TTLL5: variants seen among roughly 807,000 people sequenced by gnomAD.
The protein encoded by TTLL5 is tubulin polyglutamylase TTLL5.
A neutral mutation model predicts 168.4 loss-of-function variants in TTLL5; 132 were observed. The observed-to-expected ratio is 0.78, with a 90% confidence interval of 0.68 to 0.91. The LOEUF (loss-of-function observed/expected upper bound fraction) is 0.91, where lower values mean the gene tolerates loss of function less well. Among genes scored for constraint, TTLL5 ranks in the 40% least tolerant of loss-of-function variants. The pLI is 0.00. For missense variants in TTLL5, 1,545 were observed against 1,581.5 expected (o/e 0.98, Z 0.39); for synonymous variants, 546 against 558.6 (o/e 0.98, Z 0.32).
intron 15 of TTLL5, 56 bp downstream of exon 15, chr14:75,735,345 G>C (rs1179378584): frequency 1.9e-6 from 3 of 1,559,392 alleles, no homozygotes; most frequent in East Asian, 2.2e-5. Context: ...AGTGGCGGCT[G>C]ATGTAACTGT....
chr14:75,925,499 C>T (rs1416471817), intron 31 of TTLL5, among the ~76,000 whole-genome samples: 2 of 149,528 alleles, frequency 1.3e-5, no homozygotes, highest in Admixed American at 6.6e-5. Flanking sequence ...GATGGGCGGC[C>T]GGGCAGAGAC....
At chr14:75,894,503 A>C (rs1481403487) in intron 30 of TTLL5, among the ~76,000 whole-genome samples, 1 of 152,070 alleles carries the variant, frequency 6.6e-6, no homozygotes, top group Non-Finnish European at 1.5e-5. Flanking sequence ...CAGTGAGCCG[A>C]GATCACACGC....
chr14:75,816,984 T>A (rs909139681), intron 27 of TTLL5, among the ~76,000 whole-genome samples: 5 of 143,944 alleles, frequency 3.5e-5, no homozygotes, highest in African/African-American at 5.2e-5. Context: ...ATTTTTTTTT[T>A]TTTTTTTTTT....
At chr14:75,765,033 A>G (rs1280077927) in intron 19 of TTLL5, among the ~76,000 whole-genome samples, 4 of 152,138 alleles carry the variant, frequency 2.6e-5, no homozygotes, top group Non-Finnish European at 5.9e-5. Flanking sequence ...AATACCTGAT[A>G]CTCTAGAAAT....
chr14:75,830,559 TTTTTA>T (rs1259117653), intron 28 of TTLL5, among the ~76,000 whole-genome samples: 1 of 152,204 alleles, frequency 6.6e-6, no homozygotes, highest in Non-Finnish European at 1.5e-5. Flanking sequence ...ATATATACAG[TTTTTA>T]TTTTTTCATT....
rs1890871188 is a variant in TTLL5, at chr14:75,764,923, A to G, written c.1708+151A>G. ...TTTTTCTCTGAAACTTAATTTCAAC[A>G]AAGTCTTAAGTTTTTAAACCTTCCA... On this transcript the variant is annotated intron_variant, in intron 19 of 31. Transcript: ENST00000298832. The G allele has an allele frequency of 4.4e-6, 4 of 912,904 alleles. No individual in the cohort carries two copies. The South Asian group carries it at 8.2e-5, about 19-fold the overall frequency. 56.6% of individuals were successfully genotyped at this position (912,904 alleles called of 1,614,324 possible). A position where few individuals can be genotyped will look rare whatever the true frequency, so the allele number is the denominator to read the frequency against.
intron 7 of TTLL5, among the ~76,000 whole-genome samples, chr14:75,700,334 T>C (rs1010721058): frequency 6.6e-6 from 1 of 152,190 alleles, no homozygotes; most frequent in Non-Finnish European, 1.5e-5. Flanking sequence ...ATCAGCCATT[T>C]CCCAGTAAGA....
intron 16 of TTLL5, 102 bp from the exon 17 acceptor site, chr14:75,745,388 C>G (rs1259397373): frequency 2.3e-6 from 3 of 1,294,364 alleles, no homozygotes; most frequent in Non-Finnish European, 3.3e-6. Context: ...TCCCTTCATG[C>G]TACTTTCATA....
At chr14:75,794,356 C>A (rs1332249473) in intron 27 of TTLL5, among the ~76,000 whole-genome samples, 1 of 150,982 alleles carries the variant, frequency 6.6e-6, no homozygotes, top group Non-Finnish European at 1.5e-5. Flanking sequence ...CTCTGCTACA[C>A]TTTTATCATT....
intron 12 of TTLL5, among the ~76,000 whole-genome samples, chr14:75,723,015 G>A (rs1422933151): frequency 6.6e-6 from 1 of 152,138 alleles, no homozygotes. Flanking sequence ...AATAGTATCT[G>A]TATGTTGTCT....
chr14:75,705,255 T>C (rs892875972), intron 7 of TTLL5, among the ~76,000 whole-genome samples: 10 of 152,234 alleles, frequency 6.6e-5, no homozygotes, highest in Admixed American at 2.0e-4. Context: ...AGCTGTGTTC[T>C]GACTTTGAGA....
intron 31 of TTLL5, among the ~76,000 whole-genome samples, chr14:75,940,955 T>G (rs554504327): frequency 6.6e-6 from 1 of 152,356 alleles, no homozygotes; most frequent in South Asian, 2.1e-4. Context: ...TTCCTTAAAA[T>G]AGCATTGTAT....
At chr14:75,948,532 T>C (rs904894287) in intron 31 of TTLL5, among the ~76,000 whole-genome samples, 13 of 152,018 alleles carry the variant, frequency 8.6e-5, no homozygotes, top group Admixed American at 4.6e-4. Context: ...ATTAAAAACT[T>C]GACAAATGTA....
In TTLL5 at chr14:75,908,182, GACAGC is replaced by G. The variant is rs565696104; in HGVS notation, c.3823+5960_3823+5964del. 2.3e-3 allele frequency among the ~76,000 whole-genome samples: 352 copies of G among 152,368 alleles called. 2 individuals carry two copies. Among genetic ancestry groups the G allele is most frequent in the African/African-American group, 8.1e-3 (337 of 41,586 alleles). On this transcript the variant is annotated intron_variant, in intron 31 of 31. Coordinates refer to ENST00000298832, the MANE Select transcript of TTLL5 (RefSeq NM_015072.5). The stretch of plus-strand genomic sequence containing the variant: ...GCTTTGTGATTAGCTGAGGCGATGA[GACAGC>G]ATGTGTGTATGGACAAAGAGGACAG...
chr14:75,833,134 T>G (rs1895673652), intron 28 of TTLL5, among the ~76,000 whole-genome samples: 1 of 152,210 alleles, frequency 6.6e-6, no homozygotes, highest in South Asian at 2.1e-4. Flanking sequence ...CCTCACTTCC[T>G]GCGTTCCTCT....
intron 25 of TTLL5, 24 bp from the exon 26 acceptor site, chr14:75,783,120 TGTC>T: frequency 6.4e-7 from 1 of 1,567,796 alleles, no homozygotes; most frequent in East Asian, 2.2e-5. Flanking sequence ...CCTATAATGA[TGTC>T]TTGTTTTGTT....
At chr14:75,934,147 A>G (rs960293033) in intron 31 of TTLL5, among the ~76,000 whole-genome samples, 3 of 152,210 alleles carry the variant, frequency 2.0e-5, no homozygotes, top group Admixed American at 1.3e-4. Flanking sequence ...AGGAGCCACA[A>G]TCTTTTTATA....
At chr14:75,671,635 C>A (rs1371221909) in intron 3 of TTLL5, among the ~76,000 whole-genome samples, 2 of 151,928 alleles carry the variant, frequency 1.3e-5, no homozygotes, top group Non-Finnish European at 2.9e-5. Flanking sequence ...ATATTTTATT[C>A]TTTTTGATGT....
intron 30 of TTLL5, among the ~76,000 whole-genome samples, chr14:75,899,068 G>C (rs1192948794): frequency 6.6e-6 from 1 of 152,178 alleles, no homozygotes; most frequent in Non-Finnish European, 1.5e-5. Flanking sequence ...GTATTGCTAA[G>C]TAAAAAATGA....
Sources: allele counts gnomAD v4.1 joint callset (sites outside exome capture counted in the v4.1 genomes callset), GRCh38; gene constraint gnomAD v4.1.1; transcripts MANE v1.5; gene names NCBI Gene and HGNC (gene_info 2026-07-23, HGNC 2026-07-21).